The following YIPF4 variants were observed in gnomAD, a reference collection of about 807,000 sequenced individuals.
YIPF4 encodes Yip1 domain family member 4, also known as protein YIPF4.
In YIPF4, 18 loss-of-function variants were observed where a neutral mutation model predicts 29.4. The observed-to-expected ratio is 0.61, with a 90% CI of 0.42 to 0.91. The LOEUF is 0.91. YIPF4 is among the 40% of genes least tolerant of loss of function. The pLI, the probability that YIPF4 is intolerant of heterozygous loss-of-function variation, is 0.00. For missense variants in YIPF4, 279 were observed against 282.7 expected (o/e 0.99, Z 0.09); for synonymous variants, 115 against 104.7 (o/e 1.10, Z -0.60).
chr2:32,291,286 G>C (rs2030902299), intron 2 of YIPF4, among the ~76,000 whole-genome samples: 3 of 152,200 alleles, frequency 2.0e-5, no homozygotes, highest in Non-Finnish European at 2.9e-5. Flanking sequence ...AGTAATCCCG[G>C]CACTTTGGGA....
At chr2:32,302,799 T>A (rs2031450959) in intron 5 of YIPF4, among the ~76,000 whole-genome samples, 1 of 152,198 alleles carries the variant, frequency 6.6e-6, no homozygotes, top group South Asian at 2.1e-4. Flanking sequence ...TATTTGTTTT[T>A]AAGTAGCTGA....
In YIPF4 at chr2:32,283,266, C is replaced by T. The variant is rs190881389; in HGVS notation, c.79+5032C>T. The stretch of plus-strand genomic sequence containing the variant: ...ACATGAACATTTTACTGTACAACTC[C>T]GGGTCTTTTCCCTGGTTTCTACACG... On this transcript the variant is annotated intron_variant, in intron 1 of 5. Transcript: ENST00000238831. 5.1e-3 allele frequency among the ~76,000 whole-genome samples: 772 copies of T among 152,132 alleles called. 4 individuals are homozygous for T. Among genetic ancestry groups the T allele is most frequent in the African/African-American group, 0.018 (729 of 41,508 alleles).
At chr2:32,297,237 G>A (rs1322169961) in intron 3 of YIPF4, among the ~76,000 whole-genome samples, 1 of 151,848 alleles carries the variant, frequency 6.6e-6, no homozygotes, top group Non-Finnish European at 1.5e-5. Context: ...CGATTCTCCA[G>A]CCTCAGCCTC....
chr2:32,298,408 G>C (rs1318465869), intron 4 of YIPF4, 97 bp downstream of exon 4: 3 of 877,582 alleles, frequency 3.4e-6, no homozygotes, highest in Non-Finnish European at 3.6e-6. Flanking sequence ...AAACTTTCTT[G>C]TCCCAGAATT....
At chr2:32,301,050 A>T (rs2031386725) in intron 4 of YIPF4, among the ~76,000 whole-genome samples, 1 of 152,220 alleles carries the variant, frequency 6.6e-6, no homozygotes, top group East Asian at 1.9e-4. Flanking sequence ...TAGTCCCTTT[A>T]AATAATTCTA....
chr2:32,302,127 T>G (rs1218362069), intron 5 of YIPF4, among the ~76,000 whole-genome samples: 1 of 150,954 alleles, frequency 6.6e-6, no homozygotes, highest in Non-Finnish European at 1.5e-5. Flanking sequence ...GCCTCCTGGG[T>G]TCAAGCCATT....
rs1332357767 is a variant in YIPF4 at position 32,301,402 on chromosome 2, T to A, written c.504T>A (p.Leu168=). 1 of 1,611,014 alleles carries A rather than the reference T, an allele frequency of 6.2e-7. No individual in the cohort carries two copies. The highest frequency in any genetic ancestry group is 8.5e-7 in the Non-Finnish European group (1 of 1,178,942). ...CACAGGTTGCATATGGCCAAGTCCTTGGAGTTATAGGATATTCATTACTTC... is the reference window on the plus strand; with the variant it reads ...CACAGGTTGCATATGGCCAAGTCCTAGGAGTTATAGGATATTCATTACTTC... ...LGGEVAYGQV[L]GVIGYSLLPL... is the part of the protein sequence containing the mutation. The change falls in exon 5 of 6, where the codon CTT becomes CTA. Residue 168 remains leucine, a synonymous_variant. Transcript: ENST00000238831.
intron 3 of YIPF4, among the ~76,000 whole-genome samples, chr2:32,296,420 G>A (rs1171033468): frequency 1.3e-5 from 2 of 150,192 alleles, no homozygotes; most frequent in South Asian, 2.1e-4. Flanking sequence ...GCATTGAGCC[G>A]AGATCACGCC....
At chr2:32,297,142 G>C (rs1377902711) in intron 3 of YIPF4, among the ~76,000 whole-genome samples, 1 of 146,248 alleles carries the variant, frequency 6.8e-6, no homozygotes, top group Non-Finnish European at 1.5e-5. Flanking sequence ...TTTTTTTCTT[G>C]AAATGGTGTT....
intron 4 of YIPF4, 50 bp downstream of exon 4, chr2:32,298,361 T>C: frequency 7.4e-7 from 1 of 1,349,024 alleles, no homozygotes; most frequent in Non-Finnish European, 1.1e-6. Context: ...GTGAGCTTAG[T>C]TTTTGATACT....
intron 5 of YIPF4, among the ~76,000 whole-genome samples, chr2:32,303,658 T>C (rs2031481022): frequency 6.6e-6 from 1 of 152,174 alleles, no homozygotes; most frequent in Non-Finnish European, 1.5e-5. Flanking sequence ...TGTACTCCAG[T>C]GTAGGTGACA....
In YIPF4 at chr2:32,310,399, G is replaced by A. The variant is rs1196358478; in HGVS notation, c.*4773G>A. 6.6e-6 allele frequency: 1 copy of A among 152,030 alleles called. No homozygotes were observed. The highest frequency in any genetic ancestry group is 2.4e-5 in the African/African-American group (1 of 41,382). 9.4% of individuals were successfully genotyped at this position (152,030 alleles called of 1,614,324 possible). On this transcript the variant is annotated 3_prime_UTR_variant, in exon 6 of 6. Transcript: ENST00000238831. ...TAGAAGTGCTTCATTCCTCATTTGT[G>A]TACAGCTGTTCCTCTATATACGAAG...
intron 1 of YIPF4, among the ~76,000 whole-genome samples, chr2:32,279,621 G>A (rs981097605): frequency 6.9e-6 from 1 of 145,132 alleles, no homozygotes; most frequent in Non-Finnish European, 1.5e-5. Context: ...GTGTTAGCCA[G>A]GATGGTCTCG....
intron 4 of YIPF4, 102 bp from the exon 5 acceptor site, chr2:32,301,280 C>G (rs1573541717): frequency 4.3e-6 from 3 of 702,352 alleles, no homozygotes; most frequent in Middle Eastern, 4.9e-4. Flanking sequence ...TCTTAATGCT[C>G]ACATTTATTT....
At chr2:32,280,527 C>T (rs766349674) in intron 1 of YIPF4, among the ~76,000 whole-genome samples, 4 of 151,544 alleles carry the variant, frequency 2.6e-5, no homozygotes, top group Non-Finnish European at 2.9e-5. Context: ...TACAGGCGCC[C>T]GGCACCACGC....
At chr2:32,278,712 T>C (rs182376892) in intron 1 of YIPF4, among the ~76,000 whole-genome samples, 99 of 152,304 alleles carry the variant, frequency 6.5e-4, no homozygotes, top group African/African-American at 2.1e-3. Flanking sequence ...AAATGGTTTT[T>C]ATTGAATTTG....
intron 1 of YIPF4, among the ~76,000 whole-genome samples, chr2:32,281,439 G>T (rs998560598): frequency 6.6e-6 from 1 of 151,970 alleles, no homozygotes; most frequent in Non-Finnish European, 1.5e-5. Flanking sequence ...ACAGGGTTTC[G>T]CCATGTTTCA....
At chr2:32,280,890 C>T (rs1412623638) in intron 1 of YIPF4, among the ~76,000 whole-genome samples, 1 of 152,106 alleles carries the variant, frequency 6.6e-6, no homozygotes, top group Non-Finnish European at 1.5e-5. Flanking sequence ...TTTAATTTCC[C>T]AGGTTTAAAA....
chr2:32,286,660 C>A (rs966820041), intron 1 of YIPF4, among the ~76,000 whole-genome samples: 1 of 152,090 alleles, frequency 6.6e-6, no homozygotes, highest in Non-Finnish European at 1.5e-5. Flanking sequence ...ATTCTCCTGC[C>A]TCAGCCTCCC....
Sources: gnomAD v4.1 joint callset for allele counts (sites outside exome capture counted in the v4.1 genomes callset) on GRCh38, gnomAD v4.1.1 for gene constraint, MANE v1.5 for transcripts, NCBI Gene and HGNC (gene_info 2026-07-23, HGNC 2026-07-21) for gene names.